Variants in IL31RA observed in about 807,000 individuals in gnomAD.
IL31RA encodes interleukin 31 receptor A, also known as interleukin-31 receptor subunit alpha.
In IL31RA, 66 loss-of-function variants were observed where a neutral mutation model predicts 83.7. That is an observed-to-expected ratio of 0.79 (90% CI 0.65 to 0.97). The LOEUF (loss-of-function observed/expected upper bound fraction) is 0.97. Ranked by LOEUF, IL31RA falls within the 50% of genes least tolerant of loss-of-function variation. The pLI is 0.00. For synonymous variants in IL31RA, 325 were observed against 329.0 expected, an observed-to-expected ratio of 0.99 and a Z score of 0.13; for missense variants, 798 against 919.4, an observed-to-expected ratio of 0.87 and a Z score of 1.71.
At chr5:55,865,894 T>C (rs1746017430) in intron 2 of IL31RA, among the ~76,000 whole-genome samples, 1 of 152,228 alleles carries the variant, frequency 6.6e-6, no homozygotes, top group African/African-American at 2.4e-5. Context: ...GCAAGGCTTA[T>C]GTGACTGCAG....
intron 11 of IL31RA, 179 bp downstream of exon 11, chr5:55,908,590 G>C (rs1338039159): frequency 1.3e-6 from 2 of 1,551,758 alleles, no homozygotes; most frequent in East Asian, 4.9e-5. Flanking sequence ...TGGGGTTTTG[G>C]GGGTTAAATG....
intron 8 of IL31RA, 73 bp downstream of exon 8, chr5:55,900,205 C>A: frequency 9.4e-7 from 1 of 1,059,530 alleles, no homozygotes; most frequent in East Asian, 2.4e-5. Flanking sequence ...CCTGTGCTCT[C>A]AAGGGTGGCT....
chr5:55,881,350 A>G (rs1747209206), intron 4 of IL31RA, among the ~76,000 whole-genome samples: 1 of 151,994 alleles, frequency 6.6e-6, no homozygotes, highest in Non-Finnish European at 1.5e-5. Flanking sequence ...GCTTTAGAGC[A>G]GGAATGGAAA....
the IL31RA span, among the ~76,000 whole-genome samples, chr5:55,845,705 G>C: frequency 6.6e-6 from 1 of 152,078 alleles, no homozygotes; most frequent in South Asian, 2.1e-4. Context: ...ATGATTGTAA[G>C]TTTCCTGAGA....
rs1749945040 is a variant in IL31RA at position 55,918,832 on chromosome 5, G to C, written c.*1712G>C. Among the ~76,000 whole-genome samples the C allele has an allele frequency of 6.6e-6, 1 of 151,994 alleles. No individual in the cohort carries two copies. Among genetic ancestry groups the C allele is most frequent in the African/African-American group, 2.4e-5 (1 of 41,280 alleles). On this transcript the variant is annotated 3_prime_UTR_variant, in exon 15 of 15. Coordinates refer to ENST00000652347, the MANE Select transcript of IL31RA (RefSeq NM_139017.7). The stretch of plus-strand genomic sequence containing the variant: ...ACCCACCCAGGACTCAGTACTCCTG[G>C]TTTACGGAACAGTGACTTCTGGTAC...
At chr5:55,840,757 C>A in the IL31RA span, among the ~76,000 whole-genome samples, 9 of 152,246 alleles carry the variant, frequency 5.9e-5, no homozygotes, top group South Asian at 1.9e-3. Flanking sequence ...AATGTGTATT[C>A]CTTTGGGCAG....
intron 2 of IL31RA, among the ~76,000 whole-genome samples, chr5:55,861,497 T>A (rs1234187520): frequency 6.6e-6 from 1 of 152,206 alleles, no homozygotes; most frequent in Non-Finnish European, 1.5e-5. Context: ...GATAATCTAA[T>A]GCCTGATGAT....
rs143652370 is a variant in IL31RA at position 55,907,424 on chromosome 5, G to A, written c.1318G>A (p.Glu440Lys). Residue 440 changes from glutamate to lysine, a missense_variant, in exon 10 of 15, where the codon GAG becomes AAG. Transcript: ENST00000652347. ...VYPMLHDKVGEPYSIQAYAKE... is the reference protein window; with the variant it reads ...VYPMLHDKVGKPYSIQAYAKE... Reference sequence around the variant, plus strand: ...TCCAATGTTGCATGACAAAGTTGGCGAGCCATATTCCATCCAGGCTTATGC... The same window carrying A: ...TCCAATGTTGCATGACAAAGTTGGCAAGCCATATTCCATCCAGGCTTATGC... 107 of 1,613,516 alleles carry A rather than the reference G, an allele frequency of 6.6e-5. No homozygotes were observed. In the African/African-American group the frequency reaches 1.2e-3, roughly 18 times the overall value.
chr5:55,862,397 T>C (rs886310019), intron 2 of IL31RA, among the ~76,000 whole-genome samples: 2 of 152,198 alleles, frequency 1.3e-5, no homozygotes, highest in Non-Finnish European at 1.5e-5. Flanking sequence ...GACTTCTTTC[T>C]ACTTTATTTT....
rs1750010651 is a variant in IL31RA at position 55,920,020 on chromosome 5, G to A, written c.*2900G>A. On this transcript the variant is annotated 3_prime_UTR_variant, in exon 15 of 15. Coordinates refer to ENST00000652347, the MANE Select transcript of IL31RA (RefSeq NM_139017.7). ...ATCCATGCAGACAGCTAGGTTAGTGGCCTTTCTTTAACAGTAAGAGCAGAA... is the reference window on the plus strand; with the variant it reads ...ATCCATGCAGACAGCTAGGTTAGTGACCTTTCTTTAACAGTAAGAGCAGAA... Among the ~76,000 whole-genome samples the A allele has an allele frequency of 6.6e-6, 1 of 152,228 alleles. No individual in the cohort carries two copies. The highest frequency in any genetic ancestry group is 1.5e-5 in the Non-Finnish European group (1 of 68,044).
At chr5:55,882,969 T>C in intron 4 of IL31RA, 75 bp from the exon 5 acceptor site, 1 of 1,405,650 alleles carries the variant, frequency 7.1e-7, no homozygotes, top group Non-Finnish European at 1.0e-6. Flanking sequence ...TCATTTTTTT[T>C]CAATTTTGGG....
intron 5 of IL31RA, among the ~76,000 whole-genome samples, chr5:55,884,287 GT>G (rs746262116): frequency 6.6e-6 from 1 of 152,076 alleles, no homozygotes; most frequent in Non-Finnish European, 1.5e-5. Context: ...TTTTAATATG[GT>G]TAGAGTTTTA....
the IL31RA span, chr5:55,839,927 C>T: frequency 4.4e-6 from 3 of 679,830 alleles, no homozygotes; most frequent in Admixed American, 2.0e-5. Context: ...TTGAATTTTG[C>T]AGTCAGAAGA....
chr5:55,867,716 A>G (rs540681168), intron 2 of IL31RA, among the ~76,000 whole-genome samples: 4 of 152,312 alleles, frequency 2.6e-5, no homozygotes, highest in Non-Finnish European at 5.9e-5. Flanking sequence ...TACAGTTCCA[A>G]TGGCTGGGGA....
intron 6 of IL31RA, 104 bp from the exon 7 acceptor site, chr5:55,896,246 T>A (rs1748322528): frequency 3.8e-6 from 3 of 786,038 alleles, no homozygotes; most frequent in Non-Finnish European, 7.0e-6. Context: ...TTATTCCCAA[T>A]GGCTCCCTCA....
At chr5:55,888,411 G>A (rs886403214) in intron 5 of IL31RA, among the ~76,000 whole-genome samples, 8 of 152,146 alleles carry the variant, frequency 5.3e-5, no homozygotes, top group African/African-American at 1.7e-4. Flanking sequence ...GGCTTCCGTG[G>A]CTACATTAGG....
intron 12 of IL31RA, 127 bp downstream of exon 12, chr5:55,910,799 C>T: frequency 9.4e-7 from 1 of 1,065,872 alleles, no homozygotes; most frequent in Non-Finnish European, 1.5e-6. Context: ...TGCCATCCTG[C>T]TCTCTGTTCA....
intron 1 of IL31RA, among the ~76,000 whole-genome samples, chr5:55,857,558 A>T (rs886945970): frequency 6.6e-6 from 1 of 152,118 alleles, no homozygotes; most frequent in African/African-American, 2.4e-5. Context: ...CTCTTTTTAG[A>T]TGCTCTTTGC....
At chr5:55,882,919 A>C (rs6873519) in intron 4 of IL31RA, 125 bp from the exon 5 acceptor site, 209,495 of 858,518 alleles carry the variant, frequency 0.24, 27,404 homozygotes, top group East Asian at 0.4. Flanking sequence ...TGCCTTGCAA[A>C]TGCCATCTTC....
Sources: gnomAD v4.1 joint callset for allele counts (sites outside exome capture counted in the v4.1 genomes callset) on GRCh38, gnomAD v4.1.1 for gene constraint, MANE v1.5 for transcripts, NCBI Gene and HGNC (gene_info 2026-07-23, HGNC 2026-07-21) for gene names.